Variants in TNRC6B observed in about 807,000 individuals in gnomAD.
TNRC6B encodes the protein trinucleotide repeat containing adaptor 6B, also known as trinucleotide repeat-containing gene 6B protein.
TNRC6B carries 52 observed loss-of-function variants against 203.6 expected under a neutral mutation model. That is an observed-to-expected ratio of 0.26 (90% CI 0.20 to 0.32). The LOEUF is 0.32. TNRC6B is among the 10% of genes least tolerant of loss of function. TNRC6B has a pLI of 1.00. For missense variants in TNRC6B, 1,923 were observed against 2,286.2 expected (o/e 0.84, Z 3.24); for synonymous variants, 838 against 845.7 (o/e 0.99, Z 0.16).
At chr22:40,297,264 G>A (rs2070956904) in intron 12 of TNRC6B, among the ~76,000 whole-genome samples, 1 of 152,186 alleles carries the variant, frequency 6.6e-6, no homozygotes, top group Admixed American at 6.5e-5. Context: ...TTCCTAGGCT[G>A]ATCGTTTCAT....
intron 1 of TNRC6B, among the ~76,000 whole-genome samples, chr22:40,080,094 C>CTTT (rs772109662): frequency 4.0e-4 from 46 of 113,764 alleles, no homozygotes; most frequent in African/African-American, 8.5e-4. Flanking sequence ...CGTGCCTGGC[C>CTTT]TTTTTTTTTT....
intron 1 of TNRC6B, among the ~76,000 whole-genome samples, chr22:40,202,260 GTTT>G (rs200101424): frequency 2.3e-5 from 3 of 129,776 alleles, no homozygotes. Flanking sequence ...TTGTTTTTTT[GTTT>G]TTTTTTTTTT....
intron 1 of TNRC6B, among the ~76,000 whole-genome samples, chr22:40,051,831 C>G (rs889051302): frequency 2.6e-5 from 4 of 152,070 alleles, no homozygotes; most frequent in African/African-American, 9.7e-5. Flanking sequence ...TCAGTATATC[C>G]AAAATATTAA....
At chr22:40,064,231 G>A (rs2067877137) in intron 1 of TNRC6B, among the ~76,000 whole-genome samples, 1 of 152,078 alleles carries the variant, frequency 6.6e-6, no homozygotes, top group Admixed American at 6.6e-5. Flanking sequence ...AAGTCTAGAT[G>A]CTCTTTGTTT....
chr22:40,063,925 A>T (rs1273798969), intron 1 of TNRC6B, among the ~76,000 whole-genome samples: 2 of 151,474 alleles, frequency 1.3e-5, no homozygotes, highest in African/African-American at 2.4e-5. Context: ...TTGGTCTCGA[A>T]CTCCTGGGCT....
intron 1 of TNRC6B, among the ~76,000 whole-genome samples, chr22:40,199,097 G>T (rs190074425): frequency 7.2e-5 from 11 of 152,156 alleles, no homozygotes; most frequent in African/African-American, 2.6e-4. Context: ...AGTTTGAAGC[G>T]GTTCCCACTG....
At chr22:40,309,900 A>G (rs1257023028) in intron 16 of TNRC6B, among the ~76,000 whole-genome samples, 1 of 152,172 alleles carries the variant, frequency 6.6e-6, no homozygotes, top group Non-Finnish European at 1.5e-5. Flanking sequence ...TAGTTTTGAT[A>G]ATATTCCCAT....
intron 3 of TNRC6B, among the ~76,000 whole-genome samples, chr22:40,140,161 T>C (rs1249295612): frequency 1.3e-5 from 2 of 152,204 alleles, no homozygotes; most frequent in East Asian, 1.9e-4. Context: ...GAATCAATTA[T>C]ACAACTATAG....
At position 40,251,735 on chromosome 22, in the gene TNRC6B, A is replaced by G. The variant is rs182543085; in HGVS notation, c.115+535A>G. Among the ~76,000 whole-genome samples the G allele has an allele frequency of 2.9e-3, 445 of 152,234 alleles. 2 individuals are homozygous for G. Among genetic ancestry groups the G allele is most frequent in the African/African-American group, 0.01 (430 of 41,530 alleles). On this transcript the variant is annotated intron_variant, in intron 3 of 22. Coordinates refer to ENST00000454349, the MANE Select transcript of TNRC6B (RefSeq NM_001162501.2). ...CTCCGTCTCAAAAAAAAAAAAAAGT[A>G]TATGGGTCATGATTGTGAACTGAAC...
At position 40,322,369 on chromosome 22, in the gene TNRC6B, A is replaced by G. The variant is rs550168189; in HGVS notation, c.5115-485A>G. ...ATTGCTGAACCCCTCCTTATCACCA[A>G]AAGTCTGTAGTTTACATTAGAGTTC... On this transcript the variant is annotated intron_variant, in intron 22 of 22. Transcript: ENST00000454349. 4.6e-5 allele frequency among the ~76,000 whole-genome samples: 7 copies of G among 152,264 alleles called. No homozygotes were observed. The South Asian group carries it at 1.0e-3, about 23-fold the overall frequency.
intron 1 of TNRC6B, among the ~76,000 whole-genome samples, chr22:40,090,502 C>G (rs2068141711): frequency 6.6e-6 from 1 of 151,540 alleles, no homozygotes; most frequent in African/African-American, 2.4e-5. Flanking sequence ...AGTGAGGTGT[C>G]TGCTCAGGTC....
chr22:40,262,238 C>A, intron 4 of TNRC6B, 65 bp downstream of exon 4: 1 of 1,301,986 alleles, frequency 7.7e-7, no homozygotes, highest in Non-Finnish European at 1.0e-6. Context: ...GTTTGCATTG[C>A]TTGATGTAAA....
chr22:40,080,175 G>C (rs1014092622), intron 1 of TNRC6B, among the ~76,000 whole-genome samples: 2 of 135,708 alleles, frequency 1.5e-5, no homozygotes, highest in Admixed American at 1.5e-4. Flanking sequence ...ACTCTTGGCC[G>C]TAAGTGATCC....
At chr22:40,316,516 G>A (rs2071261699) in intron 21 of TNRC6B, among the ~76,000 whole-genome samples, 1 of 152,222 alleles carries the variant, frequency 6.6e-6, no homozygotes, top group East Asian at 1.9e-4. Context: ...TTAAAAATTA[G>A]CCAGGCATGG....
intron 12 of TNRC6B, among the ~76,000 whole-genome samples, chr22:40,290,151 G>A (rs1245515951): frequency 2.0e-5 from 3 of 152,164 alleles, no homozygotes; most frequent in Non-Finnish European, 4.4e-5. Flanking sequence ...CTCTGACACC[G>A]CACTGTCCAG....
rs114840080 is a variant in TNRC6B at position 40,285,415 on chromosome 22, C to A, written c.3583-230C>A. On this transcript the variant is annotated intron_variant, in intron 11 of 22. Transcript: ENST00000454349. Reference sequence around the variant, plus strand: ...TAGGACTTTTCCTAATATTTGATGACATTGAACCCTTTCCGTTTATAGAGT... The same window carrying A: ...TAGGACTTTTCCTAATATTTGATGAAATTGAACCCTTTCCGTTTATAGAGT... 2.0e-3 allele frequency among the ~76,000 whole-genome samples: 311 copies of A among 152,280 alleles called. 1 individual carries two copies. The highest frequency in any genetic ancestry group is 7.2e-3 in the African/African-American group (300 of 41,558).
chr22:40,267,197 A>T (rs1024721921), intron 5 of TNRC6B, among the ~76,000 whole-genome samples, 161 bp downstream of exon 5: 5 of 152,218 alleles, frequency 3.3e-5, no homozygotes, highest in African/African-American at 1.2e-4. Flanking sequence ...AATGCTAGTG[A>T]TGGCAGATGC....
Position 40,265,136 on chromosome 22 carries a change from T to C in TNRC6B, c.906T>C (p.Phe302=). The C allele has an allele frequency of 6.2e-7, 1 of 1,613,996 alleles. No homozygotes were observed. The highest frequency in any genetic ancestry group is 2.2e-5 in the East Asian group (1 of 44,884). ...GACCTGGCTCTGGCTTCAGCAACTT[T>C]AACCCAAATAGCAACCCATCTGCCT... The part of the protein sequence containing the change: ...RIGPGSGFSN[F]NPNSNPSAWP... The change falls in exon 5 of 23, where the codon TTT becomes TTC. Residue 302 remains phenylalanine, a synonymous_variant. Transcript: ENST00000454349.
intron 1 of TNRC6B, among the ~76,000 whole-genome samples, chr22:40,195,761 G>C (rs1056840405): frequency 4.1e-4 from 62 of 150,092 alleles, no homozygotes; most frequent in African/African-American, 8.8e-4. Context: ...GCTTTATTTT[G>C]TTTTGTTTTG....
Sources: gnomAD v4.1 joint callset for allele counts (sites outside exome capture counted in the v4.1 genomes callset) on GRCh38, gnomAD v4.1.1 for gene constraint, MANE v1.5 for transcripts, NCBI Gene and HGNC (gene_info 2026-07-23, HGNC 2026-07-21) for gene names.